Variants in DGKH observed in about 807,000 individuals in gnomAD.
The protein encoded by DGKH is diacylglycerol kinase eta, also known as DAG kinase eta.
A neutral mutation model predicts 159.3 loss-of-function variants in DGKH; 90 were observed. The ratio of observed to expected loss-of-function variants is 0.57; its 90% CI spans 0.48 to 0.67. The LOEUF is 0.67. DGKH is among the 30% of genes least tolerant of loss of function. The pLI is 0.00. For missense variants in DGKH, 1,181 were observed against 1,506.1 expected (o/e 0.78, Z 3.57); for synonymous variants, 536 against 553.8 (o/e 0.97, Z 0.45).
At chr13:42,061,403 T>G (rs995698531) in intron 1 of DGKH, among the ~76,000 whole-genome samples, 1 of 152,150 alleles carries the variant, frequency 6.6e-6, no homozygotes, top group African/African-American at 2.4e-5. Context: ...AGAAAATGAT[T>G]TGGGGCTGCT....
intron 1 of DGKH, among the ~76,000 whole-genome samples, chr13:42,114,889 T>G (rs530349989): frequency 6.6e-6 from 1 of 152,330 alleles, no homozygotes; most frequent in Non-Finnish European, 1.5e-5. Flanking sequence ...AAAAACACCT[T>G]TTTCCCCAAA....
chr13:42,121,468 G>A lies in DGKH; in HGVS notation c.193-5995G>A, dbSNP rs538777508. Among the ~76,000 whole-genome samples the A allele has an allele frequency of 6.2e-4, 94 of 152,282 alleles. 1 individual carries two copies. Among genetic ancestry groups the A allele is most frequent in the African/African-American group, 2.1e-3 (86 of 41,544 alleles). On this transcript the variant is annotated intron_variant, in intron 1 of 29. Transcript: ENST00000337343. ...TAGTATGTTCATTGTAACTTGAGGA[G>A]CATCTGTACTTACATAAATTATAGA...
At chr13:42,073,620 G>C (rs1318424700) in intron 1 of DGKH, among the ~76,000 whole-genome samples, 1 of 152,190 alleles carries the variant, frequency 6.6e-6, no homozygotes, top group Non-Finnish European at 1.5e-5. Flanking sequence ...GCAAAGCTAA[G>C]CCGTGATATT....
intron 17 of DGKH, among the ~76,000 whole-genome samples, chr13:42,197,434 A>G (rs1457019665): frequency 1.3e-5 from 2 of 152,080 alleles, no homozygotes; most frequent in African/African-American, 4.8e-5. Flanking sequence ...ATTCAAAACT[A>G]TGACATTAAA....
At chr13:42,099,315 T>A (rs1189988338) in intron 1 of DGKH, among the ~76,000 whole-genome samples, 2 of 152,168 alleles carry the variant, frequency 1.3e-5, no homozygotes, top group African/African-American at 2.4e-5. Flanking sequence ...TATTTAAGCA[T>A]CTACTGTGTG....
At position 42,232,059 on chromosome 13, in the gene DGKH, A is replaced by G. The variant is rs2296503; in HGVS notation, c.*2871A>G. On this transcript the variant is annotated 3_prime_UTR_variant, in exon 30 of 30. Coordinates refer to ENST00000337343, the MANE Select transcript of DGKH (RefSeq NM_178009.5). ...AGAGCCTCCTTAGGCTCTTGTCAGT[A>G]TCATAAATAATTCCTCTTCTTATAG... The G allele has an allele frequency of 1.3e-5, 2 of 152,216 alleles. No individual in the cohort carries two copies. Among genetic ancestry groups the G allele is most frequent in the Non-Finnish European group, 2.9e-5 (2 of 68,056 alleles). 9.4% of individuals were successfully genotyped at this position (152,216 alleles called of 1,614,324 possible). A position where few individuals can be genotyped will look rare whatever the true frequency, so the allele number is the denominator to read the frequency against.
intron 1 of DGKH, among the ~76,000 whole-genome samples, chr13:42,043,217 G>A (rs1046670401): frequency 6.6e-6 from 1 of 152,082 alleles, no homozygotes; most frequent in Admixed American, 6.5e-5. Context: ...ATATATATAT[G>A]TAAAACATTT....
intron 3 of DGKH, among the ~76,000 whole-genome samples, chr13:42,153,422 AT>A (rs1955968097): frequency 6.6e-6 from 1 of 152,236 alleles, no homozygotes; most frequent in Admixed American, 6.5e-5. Context: ...AGCCTGGTTT[AT>A]TTGTCTGAAT....
At chr13:42,081,234 T>C (rs1954194226) in intron 1 of DGKH, among the ~76,000 whole-genome samples, 1 of 131,504 alleles carries the variant, frequency 7.6e-6, no homozygotes, top group African/African-American at 3.5e-5. Context: ...TTCTCTCCTA[T>C]TTTTTTTTTC....
At position 42,089,022 on chromosome 13, in the gene DGKH, G is replaced by A. The variant is rs527803401; in HGVS notation, c.193-38441G>A. Among the ~76,000 whole-genome samples the A allele has an allele frequency of 9.2e-5, 14 of 152,302 alleles. 1 individual carries two copies. The South Asian group carries it at 2.9e-3, about 32-fold the overall frequency. On this transcript the variant is annotated intron_variant, in intron 1 of 29. Transcript: ENST00000337343. ...AACAAGAACCATTACTAGGGATAGT[G>A]AGGGATATTACATATGACAAAGGGG...
rs187721071 is a variant in DGKH, at chr13:42,079,706, C to T, written c.192+30741C>T. On this transcript the variant is annotated intron_variant, in intron 1 of 29. Coordinates refer to ENST00000337343, the MANE Select transcript of DGKH (RefSeq NM_178009.5). ...ACCTCCTAACTTTGTATGATCATGT[C>T]GACCTTTTGTTTTGTAACCATAATG... 1.2e-3 allele frequency among the ~76,000 whole-genome samples: 186 copies of T among 152,196 alleles called. 1 individual carries two copies. Among genetic ancestry groups the T allele is most frequent in the Admixed American group, 2.5e-3 (38 of 15,282 alleles).
chr13:42,201,961 C>T (rs1957358674), intron 20 of DGKH, among the ~76,000 whole-genome samples: 2 of 151,994 alleles, frequency 1.3e-5, no homozygotes, highest in Non-Finnish European at 2.9e-5. Flanking sequence ...CTTTTTTCCC[C>T]TACATTTATA....
intron 28 of DGKH, 47 bp downstream of exon 28, chr13:42,219,841 G>A: frequency 1.3e-6 from 2 of 1,547,234 alleles, no homozygotes. Context: ...TGAAAAAAGA[G>A]CTGATTAAAG....
At chr13:42,069,329 C>T (rs937943386) in intron 1 of DGKH, 3 of 1,271,988 alleles carry the variant, frequency 2.4e-6, no homozygotes, top group Non-Finnish European at 3.4e-6. Context: ...AAGATGGGTA[C>T]AAAGTTTCTA....
chr13:42,154,210 CAAGA>C (rs1490273914), intron 3 of DGKH, among the ~76,000 whole-genome samples: 2 of 152,156 alleles, frequency 1.3e-5, no homozygotes, highest in Non-Finnish European at 2.9e-5. Context: ...ATCACTTGAT[CAAGA>C]AGCTTTTAAC....
chr13:42,104,792 G>T (rs1954716903), intron 1 of DGKH, among the ~76,000 whole-genome samples: 1 of 152,108 alleles, frequency 6.6e-6, no homozygotes, highest in Admixed American at 6.5e-5. Context: ...AAATGTTAAA[G>T]AAAATTTTAT....
chr13:42,070,035 A>T (rs1566085294), intron 1 of DGKH: 1 of 900,426 alleles, frequency 1.1e-6, no homozygotes, highest in Non-Finnish European at 1.9e-6. Context: ...TTTCCCAGTT[A>T]TAAATGTGAC....
Position 42,229,155 on chromosome 13 carries a change from G to T in DGKH, c.3630G>T (p.Glu1210Asp), listed in dbSNP as rs771133158. ...AGCGAATTCTCCAGGGAATTAAAGA[G>T]CTTGGAAGGAGCACTCCACAGTCGG... ...HVKRILQGIKELGRSTPQSEV is the reference protein window; with the variant it reads ...HVKRILQGIKDLGRSTPQSEV Residue 1210 changes from glutamate (E) to aspartate (D), a missense_variant, in exon 30 of 30, where the codon GAG becomes GAT. By Grantham distance (45) the Glu-to-Asp change is conservative (BLOSUM62 2). Around this residue, in one of 5 missense-constraint regions of DGKH, gnomAD observed 84 missense variants for 77.9 expected, o/e 1.08. Transcript: ENST00000337343. 3.7e-6 allele frequency: 6 copies of T among 1,611,680 alleles called. No individual in the cohort carries two copies. Among genetic ancestry groups the T allele is most frequent in the East Asian group, 2.2e-5 (1 of 44,764 alleles).
rs191309090 is a variant in DGKH at position 42,134,751 on chromosome 13, C to G, written c.384+5119C>G. Among the ~76,000 whole-genome samples the G allele has an allele frequency of 6.2e-4, 94 of 152,194 alleles. 1 individual carries two copies. Among genetic ancestry groups the G allele is most frequent in the African/African-American group, 2.1e-3 (86 of 41,526 alleles). Reference sequence around the variant, plus strand: ...GGCGTGGTGGCTCATGCCTGTAATCCCAGCACTTTGGGAGGCCCAGGCAGG... The same window carrying G: ...GGCGTGGTGGCTCATGCCTGTAATCGCAGCACTTTGGGAGGCCCAGGCAGG... On this transcript the variant is annotated intron_variant, in intron 3 of 29. Coordinates refer to ENST00000337343, the MANE Select transcript of DGKH (RefSeq NM_178009.5).
Sources: gnomAD v4.1 joint callset for allele counts (sites outside exome capture counted in the v4.1 genomes callset) on GRCh38, gnomAD v4.1.1 for gene constraint, gnomAD v4.1.1 regional missense constraint, MANE v1.5 for transcripts, NCBI Gene and HGNC (gene_info 2026-07-23, HGNC 2026-07-21) for gene names.